The following PIP5K1B variants were observed in gnomAD, a reference collection of about 807,000 sequenced individuals.
The protein encoded by PIP5K1B is phosphatidylinositol 4-phosphate 5-kinase type-1 beta.
Under a neutral mutation model 67.0 loss-of-function variants are expected in PIP5K1B, and 42 were observed. The ratio of observed to expected loss-of-function variants is 0.63; its 90% CI spans 0.49 to 0.81. The LOEUF is 0.81. Ranked by LOEUF, PIP5K1B falls within the 30% of genes least tolerant of loss-of-function variation. The pLI is 0.00. For missense variants in PIP5K1B, 459 were observed against 646.3 expected, an observed-to-expected ratio of 0.71 and a Z score of 3.14; for synonymous variants, 214 against 231.4, an observed-to-expected ratio of 0.92 and a Z score of 0.68.
chr9:68,875,103 A>G (rs1173717211), intron 5 of PIP5K1B, among the ~76,000 whole-genome samples: 1 of 152,030 alleles, frequency 6.6e-6, no homozygotes, highest in Non-Finnish European at 1.5e-5. Context: ...AACCATTTGA[A>G]TGAGTGGATG....
At chr9:68,876,314 G>A (rs1215685773) in intron 5 of PIP5K1B, among the ~76,000 whole-genome samples, 1 of 152,154 alleles carries the variant, frequency 6.6e-6, no homozygotes, top group Non-Finnish European at 1.5e-5. Flanking sequence ...TTAAAAAAAT[G>A]CATTTTTGAA....
At chr9:68,792,267 G>A (rs923976082) in intron 2 of PIP5K1B, among the ~76,000 whole-genome samples, 5 of 152,132 alleles carry the variant, frequency 3.3e-5, no homozygotes, top group African/African-American at 7.2e-5. Context: ...TTATAGTTAC[G>A]CAAATTTATG....
intron 14 of PIP5K1B, among the ~76,000 whole-genome samples, chr9:68,943,156 C>T (rs1018543377): frequency 5.3e-5 from 8 of 152,174 alleles, no homozygotes; most frequent in African/African-American, 1.4e-4. Flanking sequence ...TCAGTGTCTT[C>T]GTCACCATAT....
intron 2 of PIP5K1B, among the ~76,000 whole-genome samples, chr9:68,768,825 T>C (rs974897451): frequency 6.6e-6 from 1 of 152,190 alleles, no homozygotes; most frequent in African/African-American, 2.4e-5. Context: ...TAAGTGCAAA[T>C]GCTCTATTCT....
intron 13 of PIP5K1B, among the ~76,000 whole-genome samples, chr9:68,935,553 G>A (rs1827218387): frequency 6.6e-6 from 1 of 152,160 alleles, no homozygotes; most frequent in Non-Finnish European, 1.5e-5. Context: ...ACAATTTATG[G>A]TTTACGATAA....
At chr9:68,961,233 A>AAAAAAGG (rs1828727686) in intron 14 of PIP5K1B, among the ~76,000 whole-genome samples, 1 of 151,560 alleles carries the variant, frequency 6.6e-6, no homozygotes, top group Non-Finnish European at 1.5e-5. Flanking sequence ...AAAAAAAAAA[A>AAAAAAGG]GCGTGTCACC....
At chr9:68,886,036 C>T (rs1312697907) in intron 6 of PIP5K1B, among the ~76,000 whole-genome samples, 1 of 152,024 alleles carries the variant, frequency 6.6e-6, no homozygotes, top group Non-Finnish European at 1.5e-5. Context: ...AAAAAATTAG[C>T]TGGGCATGTA....
intron 2 of PIP5K1B, among the ~76,000 whole-genome samples, chr9:68,805,216 A>AG (rs1278393813): frequency 6.6e-6 from 1 of 152,172 alleles, no homozygotes; most frequent in Non-Finnish European, 1.5e-5. Context: ...TGTGGGGCGC[A>AG]GGGGGCCCTG....
At chr9:68,794,619 A>C (rs1254666834) in intron 2 of PIP5K1B, among the ~76,000 whole-genome samples, 2 of 151,804 alleles carry the variant, frequency 1.3e-5, no homozygotes, top group Non-Finnish European at 2.9e-5. Flanking sequence ...TTCCACACCC[A>C]TGACACAATT....
At chr9:68,764,878 T>C (rs990387537) in intron 2 of PIP5K1B, among the ~76,000 whole-genome samples, 1 of 152,120 alleles carries the variant, frequency 6.6e-6, no homozygotes, top group African/African-American at 2.4e-5. Flanking sequence ...GTGATGGTTA[T>C]TTAAAATACT....
At chr9:68,750,951 T>TG (rs1829599349) in intron 2 of PIP5K1B, among the ~76,000 whole-genome samples, 1 of 152,210 alleles carries the variant, frequency 6.6e-6, no homozygotes, top group Admixed American at 6.5e-5. Flanking sequence ...CTTTCAAAGG[T>TG]GGTGAACCTT....
chr9:68,793,774 A>C (rs1330738773), intron 2 of PIP5K1B, among the ~76,000 whole-genome samples: 1 of 152,234 alleles, frequency 6.6e-6, no homozygotes, highest in Admixed American at 6.5e-5. Context: ...ACCTGAGTCA[A>C]GTTCAGGAAA....
At position 68,925,796 on chromosome 9, in the gene PIP5K1B, T is replaced by TTTTTTTTTTTC. The variant is rs1554739085; in HGVS notation, c.1201+2420_1201+2421insCTTTTTTTTTT. On this transcript the variant is annotated intron_variant, in intron 12 of 15. Coordinates refer to ENST00000265382, the MANE Select transcript of PIP5K1B (RefSeq NM_003558.4). ...CATGAATACCAGCTTGTGGTTCCAA[T>TTTTTTTTTTTC]TTTTTTTTTTTTTTTTTTTGAGACA... Among the ~76,000 whole-genome samples, 57 of 43,336 alleles carry TTTTTTTTTTTC rather than the reference T, an allele frequency of 1.3e-3. 3 individuals carry two copies. The highest frequency in any genetic ancestry group is 2.8e-3 in the African/African-American group (44 of 15,562). 28.4% of individuals were successfully genotyped at this position (43,336 alleles called of 152,430 possible). A position where few individuals can be genotyped will look rare whatever the true frequency, so the allele number is the denominator to read the frequency against.
intron 15 of PIP5K1B, among the ~76,000 whole-genome samples, chr9:68,998,273 C>A (rs1159044078): frequency 6.6e-6 from 1 of 151,988 alleles, no homozygotes; most frequent in East Asian, 1.9e-4. Context: ...GCCAGGCTGG[C>A]CTCGAATTCG....
rs189599812 is a variant in PIP5K1B, at chr9:68,990,719, A to G, written c.1503-421A>G. ...TCACTTTGTTGCCGGGCTAGAGTGC[A>G]GTGGTGCGATCTCAGCTCACTGCAA... On this transcript the variant is annotated intron_variant, in intron 14 of 15. Transcript: ENST00000265382. Among the ~76,000 whole-genome samples, 48 of 151,686 alleles carry G rather than the reference A, an allele frequency of 3.2e-4. No homozygotes were observed. In the East Asian group the frequency reaches 7.7e-3, roughly 24 times the overall value.
At chr9:68,919,365 A>G in intron 9 of PIP5K1B, 114 bp from the exon 10 acceptor site, 1 of 594,498 alleles carries the variant, frequency 1.7e-6, no homozygotes, top group South Asian at 2.5e-5. Context: ...GAGATAGCCC[A>G]GAATTCTTAA....
intron 14 of PIP5K1B, among the ~76,000 whole-genome samples, chr9:68,986,074 GT>G (rs1254139150): frequency 6.6e-6 from 1 of 152,182 alleles, no homozygotes; most frequent in Non-Finnish European, 1.5e-5. Flanking sequence ...TCATATACAA[GT>G]TTGTGTGTGG....
rs141473471 is a variant in PIP5K1B, at chr9:68,804,082, G to A, written c.-85-14379G>A. On this transcript the variant is annotated intron_variant, in intron 2 of 15. Coordinates refer to ENST00000265382, the MANE Select transcript of PIP5K1B (RefSeq NM_003558.4). The stretch of plus-strand genomic sequence containing the variant: ...GGGGTGGGGGTGAAGATGGAGAATG[G>A]ACAACAGTCTTTTGAGGAGTTGACT... Among the ~76,000 whole-genome samples the A allele has an allele frequency of 3.3e-3, 498 of 152,214 alleles. 2 individuals are homozygous for A. The highest frequency in any genetic ancestry group is 0.011 in the African/African-American group (467 of 41,518).
At chr9:68,917,834 A>G (rs1826177702) in intron 9 of PIP5K1B, 75 bp downstream of exon 9, 2 of 1,092,844 alleles carry the variant, frequency 1.8e-6, no homozygotes, top group East Asian at 4.7e-5. Flanking sequence ...AGACAGTCAC[A>G]TTCACCTTAG....
Sources: gnomAD v4.1 joint callset for allele counts (sites outside exome capture counted in the v4.1 genomes callset) on GRCh38, gnomAD v4.1.1 for gene constraint, MANE v1.5 for transcripts, NCBI Gene and HGNC (gene_info 2026-07-23, HGNC 2026-07-21) for gene names.